FLT1: variants seen among roughly 807,000 people sequenced by gnomAD.
The protein encoded by FLT1 is fms related receptor tyrosine kinase 1.
In FLT1, 49 loss-of-function variants were observed where a neutral mutation model predicts 156.3. That is an observed-to-expected ratio of 0.31 (90% CI 0.25 to 0.40). The LOEUF is 0.40. FLT1 is among the 10% of genes least tolerant of loss of function. The probability of loss-of-function intolerance (pLI) is 1.00; values close to 1 mark genes in which losing one functional copy is unlikely to be tolerated. For synonymous variants in FLT1, 594 were observed against 583.8 expected, an observed-to-expected ratio of 1.02 and a Z score of -0.25; for missense variants, 1,322 against 1,637.2, an observed-to-expected ratio of 0.81 and a Z score of 3.32.
intron 29 of FLT1, among the ~76,000 whole-genome samples, chr13:28,306,112 G>A (rs745325873): frequency 6.6e-5 from 10 of 152,202 alleles, no homozygotes; most frequent in Admixed American, 6.5e-4. Flanking sequence ...ATTCGGTGGT[G>A]CATAAGGCAA....
At chr13:28,372,066 ATATATATATATTTTTTT>A (rs1310502759) in intron 14 of FLT1, among the ~76,000 whole-genome samples, 5 of 29,772 alleles carry the variant, frequency 1.7e-4, no homozygotes, top group African/African-American at 5.6e-4. Flanking sequence ...ATATATATAT[ATATATATATATTTTTTT>A]TTTTTTTTTT....
At chr13:28,380,014 T>G (rs928368840) in intron 14 of FLT1, among the ~76,000 whole-genome samples, 8 of 152,232 alleles carry the variant, frequency 5.3e-5, no homozygotes, top group African/African-American at 1.9e-4. Context: ...ATCCTATCAA[T>G]GATCCAAGGT....
At chr13:28,465,327 A>G (rs570141966) in intron 3 of FLT1, among the ~76,000 whole-genome samples, 2 of 152,226 alleles carry the variant, frequency 1.3e-5, no homozygotes, top group South Asian at 4.1e-4. Flanking sequence ...AGTCCCTTAC[A>G]GTTATCTACC....
intron 28 of FLT1, among the ~76,000 whole-genome samples, chr13:28,308,638 G>A (rs1441106371): frequency 6.6e-6 from 1 of 152,214 alleles, no homozygotes; most frequent in East Asian, 1.9e-4. Context: ...CTTGGGTCCT[G>A]GAGTGAGTGC....
intron 10 of FLT1, among the ~76,000 whole-genome samples, chr13:28,417,803 T>C (rs1378240588): frequency 1.3e-5 from 2 of 151,958 alleles, no homozygotes; most frequent in African/African-American, 4.8e-5. Flanking sequence ...GCTGAGTGAA[T>C]TAATCGTTTG....
chr13:28,314,756 G>A (rs1013026400), intron 25 of FLT1, among the ~76,000 whole-genome samples: 6 of 152,216 alleles, frequency 3.9e-5, no homozygotes, highest in African/African-American at 1.2e-4. Context: ...GAAAATGGCT[G>A]AAGGTTTGAA....
chr13:28,304,510 GTT>G (rs373993107), intron 29 of FLT1, among the ~76,000 whole-genome samples: 1 of 144,744 alleles, frequency 6.9e-6, no homozygotes, highest in African/African-American at 2.5e-5. Context: ...CCTGTCTGGT[GTT>G]TTTTTTTTTA....
At chr13:28,377,797 A>C (rs9513093) in intron 14 of FLT1, among the ~76,000 whole-genome samples, 79 of 152,304 alleles carry the variant, frequency 5.2e-4, no homozygotes, top group Non-Finnish European at 1.0e-3. Context: ...GTTTTTTAAA[A>C]ATGCTTTATG....
chr13:28,410,927 G>A (rs953690765), intron 10 of FLT1, among the ~76,000 whole-genome samples: 2 of 152,048 alleles, frequency 1.3e-5, no homozygotes, highest in Non-Finnish European at 2.9e-5. Flanking sequence ...CATCACGTAG[G>A]GTGACTTCTG....
intron 3 of FLT1, among the ~76,000 whole-genome samples, chr13:28,460,423 A>T (rs1023832585): frequency 2.2e-5 from 2 of 92,580 alleles, no homozygotes; most frequent in African/African-American, 5.9e-5. Flanking sequence ...TCTCTCACAG[A>T]TCAAACAACA....
intron 12 of FLT1, among the ~76,000 whole-genome samples, chr13:28,394,220 A>C (rs1276011425): frequency 1.3e-5 from 2 of 152,236 alleles, no homozygotes; most frequent in African/African-American, 4.8e-5. Flanking sequence ...GTAGAAAAGG[A>C]TTAAGGGAAA....
At chr13:28,378,169 C>T (rs1873925992) in intron 14 of FLT1, among the ~76,000 whole-genome samples, 2 of 151,738 alleles carry the variant, frequency 1.3e-5, no homozygotes, top group South Asian at 4.2e-4. Flanking sequence ...CTGCCTCAGG[C>T]TCCTGAGTAG....
At position 28,389,922 on chromosome 13, in the gene FLT1, G is replaced by A. The variant is rs758350700; in HGVS notation, c.1843C>T (p.His615Tyr). 2 of 1,614,162 alleles carry A rather than the reference G, an allele frequency of 1.2e-6. No individual in the cohort carries two copies. Among genetic ancestry groups the A allele is most frequent in the African/African-American group, 2.7e-5 (2 of 75,034 alleles). The change falls in exon 13 of 30, where the codon CAC (histidine) becomes TAC (tyrosine). Residue 615 changes from histidine (H) to tyrosine (Y), a missense_variant. His to Tyr is a moderately conservative substitution (Grantham distance 83). This residue lies in a region of FLT1 where 991 missense variants were observed against 1,254.8 expected (regional missense o/e 0.79). Coordinates refer to ENST00000282397, the MANE Select transcript of FLT1 (RefSeq NM_002019.4). ...SKQKMAITKEHSITLNLTIMN... is the reference protein window; with the variant it reads ...SKQKMAITKEYSITLNLTIMN... The stretch of plus-strand genomic sequence containing the variant: ...ATGGTAAGATTAAGAGTGATGGAGT[G>A]CTCCTTAGTGATGGCCATTTTTTGC...
intron 10 of FLT1, among the ~76,000 whole-genome samples, chr13:28,425,163 C>A (rs753841797): frequency 2.0e-5 from 3 of 152,136 alleles, no homozygotes; most frequent in East Asian, 1.9e-4. Flanking sequence ...TAATGTACAT[C>A]GAGCTGTCAT....
chr13:28,444,326 A>C (rs1878492315), intron 3 of FLT1, among the ~76,000 whole-genome samples: 1 of 152,156 alleles, frequency 6.6e-6, no homozygotes, highest in African/African-American at 2.4e-5. Flanking sequence ...CTGAAGTCTC[A>C]ACTACTCGGG....
intron 14 of FLT1, among the ~76,000 whole-genome samples, chr13:28,375,495 C>T (rs1409003251): frequency 6.6e-6 from 1 of 152,138 alleles, no homozygotes; most frequent in African/African-American, 2.4e-5. Flanking sequence ...TTAGTTTTCG[C>T]ATGCTGTTAC....
intron 28 of FLT1, chr13:28,308,505 C>G: frequency 2.7e-6 from 1 of 368,576 alleles, no homozygotes; most frequent in East Asian, 6.4e-5. Flanking sequence ...TCACAAAGCC[C>G]ATCACCCACA....
intron 3 of FLT1, among the ~76,000 whole-genome samples, chr13:28,461,398 C>T (rs1879570435): frequency 6.6e-6 from 1 of 152,176 alleles, no homozygotes; most frequent in Non-Finnish European, 1.5e-5. Context: ...GATCCTCATC[C>T]TGGTTTCTCA....
chr13:28,308,819 A>C, intron 28 of FLT1, 24 bp downstream of exon 28: 8 of 1,438,616 alleles, frequency 5.6e-6, no homozygotes, highest in Non-Finnish European at 7.8e-6. Context: ...GGGGTGCACT[A>C]GGTACCTTAA....
Sources: allele counts gnomAD v4.1 joint callset (sites outside exome capture counted in the v4.1 genomes callset), GRCh38; gene constraint gnomAD v4.1.1; regional missense constraint gnomAD v4.1.1; transcripts MANE v1.5; gene names NCBI Gene and HGNC (gene_info 2026-07-23, HGNC 2026-07-21).